SATB2: variants seen among roughly 807,000 people sequenced by gnomAD.
SATB2 encodes the protein SATB homeobox 2, also known as DNA-binding protein SATB2.
SATB2 carries 1 observed loss-of-function variant against 73.4 expected under a neutral mutation model. The ratio of observed to expected loss-of-function variants is 0.01; its 90% CI spans 0.00 to 0.06. The LOEUF is 0.06. Among genes scored for constraint, SATB2 ranks in the 10% least tolerant of loss-of-function variants. The pLI, the probability that SATB2 is intolerant of heterozygous loss-of-function variation, is 1.00. For missense variants in SATB2, 459 were observed against 945.8 expected (o/e 0.49, Z 6.75); for synonymous variants, 397 against 367.0 (o/e 1.08, Z -0.93).
intron 7 of SATB2, among the ~76,000 whole-genome samples, chr2:199,337,891 C>T (rs1015930775): frequency 1.3e-5 from 2 of 152,096 alleles, no homozygotes; most frequent in African/African-American, 2.4e-5. Flanking sequence ...GAAAGGAAAA[C>T]GCCTTGTATA....
At position 199,274,870 on chromosome 2, in the gene SATB2, T is replaced by G. The variant is rs1287348006; in HGVS notation, c.1741-2198A>C. ...GGGGACTGGTGCTGGTCAGGTCCAC[T>G]TTCATGGCAGAAGGATATTTGCTCT... On this transcript the variant is annotated intron_variant, in intron 10 of 10. Coordinates refer to ENST00000417098, the MANE Select transcript of SATB2 (RefSeq NM_001172509.2). Among the ~76,000 whole-genome samples the G allele has an allele frequency of 2.0e-5, 3 of 152,110 alleles. No individual in the cohort carries two copies. The East Asian group carries it at 5.8e-4, about 29-fold the overall frequency.
intron 10 of SATB2, among the ~76,000 whole-genome samples, chr2:199,274,365 A>G (rs1301523406): frequency 6.6e-6 from 1 of 152,126 alleles, no homozygotes; most frequent in Non-Finnish European, 1.5e-5. Context: ...TTTAAGAAAA[A>G]AAAAAATCTG....
chr2:199,304,269 T>C (rs1208666213), intron 10 of SATB2, among the ~76,000 whole-genome samples: 1 of 152,200 alleles, frequency 6.6e-6, no homozygotes, highest in African/African-American at 2.4e-5. Context: ...CCTTGGGTTA[T>C]AATAACTATT....
chr2:199,358,569 T>C (rs1689052526), intron 6 of SATB2, among the ~76,000 whole-genome samples: 1 of 152,196 alleles, frequency 6.6e-6, no homozygotes, highest in Non-Finnish European at 1.5e-5. Flanking sequence ...GAGAACTTGC[T>C]TGCAAAGTCC....
At chr2:199,321,493 T>C (rs1196705195) in intron 9 of SATB2, among the ~76,000 whole-genome samples, 1 of 151,310 alleles carries the variant, frequency 6.6e-6, no homozygotes, top group Non-Finnish European at 1.5e-5. Context: ...TGTATATATG[T>C]GTATATACAC....
At chr2:199,275,800 G>T (rs1290866611) in intron 10 of SATB2, among the ~76,000 whole-genome samples, 1 of 152,126 alleles carries the variant, frequency 6.6e-6, no homozygotes, top group African/African-American at 2.4e-5. Flanking sequence ...AACAGGTAAG[G>T]AAAGAGCAGT....
chr2:199,434,299 AAAT>A lies in SATB2; in HGVS notation c.170-788_170-786del, dbSNP rs538793375. On this transcript the variant is annotated intron_variant, in intron 2 of 10. Transcript: ENST00000417098. Reference sequence around the variant, plus strand: ...GTATCTTTTCTTGTGTTTTCAGAGAAAATAAGTAAACTACCCTAAAGAATAAAG... The same window carrying A: ...GTATCTTTTCTTGTGTTTTCAGAGAAAAGTAAACTACCCTAAAGAATAAAG... 2.5e-4 allele frequency among the ~76,000 whole-genome samples: 38 copies of A among 152,336 alleles called. No individual in the cohort carries two copies. In the South Asian group the frequency reaches 7.5e-3, roughly 30 times the overall value.
chr2:199,298,038 C>A (rs1454684278), intron 10 of SATB2, among the ~76,000 whole-genome samples: 1 of 152,172 alleles, frequency 6.6e-6, no homozygotes, highest in Non-Finnish European at 1.5e-5. Flanking sequence ...GCCAGGCATG[C>A]TCCCGTTATC....
chr2:199,280,346 C>T (rs1159493094), intron 10 of SATB2, among the ~76,000 whole-genome samples: 3 of 152,024 alleles, frequency 2.0e-5, no homozygotes, highest in African/African-American at 7.3e-5. Flanking sequence ...GTTAACTGCA[C>T]AAATTGTTTG....
chr2:199,328,504 G>A (rs1688096288), intron 8 of SATB2, among the ~76,000 whole-genome samples, 194 bp downstream of exon 8: 1 of 151,848 alleles, frequency 6.6e-6, no homozygotes, highest in Non-Finnish European at 1.5e-5. Flanking sequence ...TCATGCTACT[G>A]CACTCCAGCC....
At chr2:199,396,172 A>G (rs564183893) in intron 3 of SATB2, 6 of 152,308 alleles carry the variant, frequency 3.9e-5, no homozygotes, top group Non-Finnish European at 8.8e-5. Flanking sequence ...TTGAACTTCC[A>G]GTTGCTGCTT....
At chr2:199,362,397 C>T (rs1269324106) in intron 6 of SATB2, among the ~76,000 whole-genome samples, 1 of 126,628 alleles carries the variant, frequency 7.9e-6, no homozygotes, top group African/African-American at 2.9e-5. Context: ...AGAAGAGTTT[C>T]CGGACTTTCC....
chr2:199,333,726 AT>A (rs1688257456), intron 7 of SATB2, among the ~76,000 whole-genome samples: 1 of 152,200 alleles, frequency 6.6e-6, no homozygotes, highest in Non-Finnish European at 1.5e-5. Flanking sequence ...ATGAAGTGAT[AT>A]TAGATAATCT....
chr2:199,446,134 C>T (rs1691955479), intron 2 of SATB2, among the ~76,000 whole-genome samples: 1 of 152,038 alleles, frequency 6.6e-6, no homozygotes, highest in African/African-American at 2.4e-5. Flanking sequence ...TTACAGGTGA[C>T]AAAAAACTTA....
chr2:199,355,884 G>A (rs1688967159), intron 6 of SATB2, among the ~76,000 whole-genome samples: 1 of 152,012 alleles, frequency 6.6e-6, no homozygotes, highest in African/African-American at 2.4e-5. Flanking sequence ...TTACAGTATT[G>A]CTCTTGCAAG....
chr2:199,308,998 T>C lies in SATB2; in HGVS notation c.1543-41A>G, dbSNP rs761326291. On this transcript the variant is annotated intron_variant, in intron 9 of 10. Coordinates refer to ENST00000417098, the MANE Select transcript of SATB2 (RefSeq NM_001172509.2). This position sits in a 1 kb window ranked among gnomAD's most constrained non-coding sequence, Gnocchi z 4.6. The stretch of plus-strand genomic sequence containing the variant: ...GTCGCTTGCATTAACCTGCAGAGTG[T>C]AGAGGAGCTGAGGGGGCCTTGACTG... The C allele has an allele frequency of 1.6e-5, 25 of 1,548,838 alleles. No homozygotes were observed. Among genetic ancestry groups the C allele is most frequent in the Non-Finnish European group, 2.1e-5 (24 of 1,123,110 alleles).
chr2:199,421,485 T>C (rs1388509224), intron 3 of SATB2, among the ~76,000 whole-genome samples: 4 of 152,132 alleles, frequency 2.6e-5, no homozygotes, highest in African/African-American at 7.2e-5. Flanking sequence ...GACTCCTTCA[T>C]AAAATCTCCA....
intron 1 of SATB2, chr2:199,470,557 T>G (rs1007358240): frequency 2.0e-5 from 3 of 152,298 alleles, no homozygotes; most frequent in African/African-American, 7.2e-5. Context: ...CCTATTATTT[T>G]CTATCATTTT....
At chr2:199,462,900 G>A (rs1340054005), upstream of SATB2, among the ~76,000 whole-genome samples, 2 of 152,228 alleles carry the variant, frequency 1.3e-5, no homozygotes, top group Admixed American at 1.3e-4. The surrounding 1 kb of genome is among the most constrained non-coding windows in gnomAD (Gnocchi z 5.9). Context: ...CCGGGTGGGC[G>A]GGAAGGGAAT....
Sources: gnomAD v4.1 joint callset for allele counts (sites outside exome capture counted in the v4.1 genomes callset) on GRCh38, gnomAD v4.1.1 for gene constraint, Gnocchi (gnomAD v3.1) non-coding constraint, MANE v1.5 for transcripts, NCBI Gene and HGNC (gene_info 2026-07-23, HGNC 2026-07-21) for gene names.